Variants in RARB observed in about 807,000 individuals in gnomAD.
RARB encodes HBV-activated protein.
Under a neutral mutation model 51.9 loss-of-function variants are expected in RARB, and 17 were observed. The ratio of observed to expected loss-of-function variants is 0.33; its 90% CI spans 0.22 to 0.49. The LOEUF (loss-of-function observed/expected upper bound fraction) is 0.49. Ranked by LOEUF, RARB falls within the 20% of genes least tolerant of loss-of-function variation. The pLI is 0.99. For synonymous variants in RARB, 215 were observed against 195.4 expected (o/e 1.10, Z -0.84); for missense variants, 369 against 550.8 (o/e 0.67, Z 3.30).
chr3:25,238,964 G>A (rs60540126), intron 5 of RARB, among the ~76,000 whole-genome samples: 5,984 of 150,140 alleles, frequency 0.04, 247 homozygotes, highest in South Asian at 0.21. Context: ...GGGCAGCAGA[G>A]CAAGACTGTG....
intron 3 of RARB, among the ~76,000 whole-genome samples, chr3:25,085,673 C>T (rs1699092141): frequency 6.6e-6 from 1 of 152,136 alleles, no homozygotes; most frequent in South Asian, 2.1e-4. Flanking sequence ...TTGTTCAGTG[C>T]CTGCCCAAAT....
At chr3:25,477,309 G>C (rs572042000) in intron 2 of RARB, among the ~76,000 whole-genome samples, 6 of 152,192 alleles carry the variant, frequency 3.9e-5, no homozygotes, top group Non-Finnish European at 7.3e-5. Flanking sequence ...TGGGCATGGG[G>C]TAGGTGACTC....
chr3:25,200,193 C>T (rs540271864), intron 5 of RARB, among the ~76,000 whole-genome samples: 1 of 152,082 alleles, frequency 6.6e-6, no homozygotes, highest in Non-Finnish European at 1.5e-5. Flanking sequence ...TCTCTGATGG[C>T]CAGTGATGAT....
chr3:25,388,228 T>C (rs115768802), intron 5 of RARB, among the ~76,000 whole-genome samples: 2,407 of 152,316 alleles, frequency 0.016, 68 homozygotes, highest in African/African-American at 0.052. Context: ...AAATTTCTTC[T>C]TAATTAAAAA....
Position 25,334,328 on chromosome 3 carries a change from C to G in RARB, c.179-126865C>G, listed in dbSNP as rs572083532. On this transcript the variant is annotated intron_variant, in intron 5 of 11. Coordinates refer to the RARB transcript ENST00000383772. The stretch of plus-strand genomic sequence containing the variant: ...ATTAAGAAAATGTGGCACATATACA[C>G]CATGGAATACTATGCAGCCATAAAA... Among the ~76,000 whole-genome samples the G allele has an allele frequency of 4.6e-5, 7 of 152,232 alleles. No individual in the cohort carries two copies. In the East Asian group the frequency reaches 1.2e-3, roughly 25 times the overall value.
intron 2 of RARB, among the ~76,000 whole-genome samples, chr3:25,030,090 C>A (rs967822267): frequency 6.6e-6 from 1 of 152,178 alleles, no homozygotes; most frequent in Non-Finnish European, 1.5e-5. Flanking sequence ...TGGAGTCATG[C>A]AGGGTGATCA....
intron 2 of RARB, among the ~76,000 whole-genome samples, chr3:25,490,264 A>G (rs1696665394): frequency 1.3e-5 from 2 of 152,194 alleles, no homozygotes. Context: ...CTTGGAAAAA[A>G]TGCACCAAGC....
intron 3 of RARB, among the ~76,000 whole-genome samples, chr3:25,521,455 A>T (rs1401681605): frequency 6.6e-6 from 1 of 152,196 alleles, no homozygotes; most frequent in Non-Finnish European, 1.5e-5. Flanking sequence ...CTTCTGAGTT[A>T]TTCCTGGTGC....
At chr3:25,393,862 G>C (rs1242580247) in intron 5 of RARB, among the ~76,000 whole-genome samples, 1 of 151,936 alleles carries the variant, frequency 6.6e-6, no homozygotes, top group Non-Finnish European at 1.5e-5. Flanking sequence ...CAAAGAACTA[G>C]CTTTTTGTTT....
intron 2 of RARB, among the ~76,000 whole-genome samples, chr3:25,029,943 A>T (rs1184006820): frequency 6.6e-6 from 1 of 152,214 alleles, no homozygotes; most frequent in Non-Finnish European, 1.5e-5. Flanking sequence ...AGACAGGGCC[A>T]CTGAATTTGG....
At chr3:25,038,678 C>T (rs1698053525) in intron 2 of RARB, among the ~76,000 whole-genome samples, 2 of 152,106 alleles carry the variant, frequency 1.3e-5, no homozygotes, top group Admixed American at 1.3e-4. Flanking sequence ...GATTTCTTTC[C>T]TTGGTTGGCA....
chr3:25,044,826 A>G (rs1044584442), intron 2 of RARB, among the ~76,000 whole-genome samples: 1 of 152,232 alleles, frequency 6.6e-6, no homozygotes, highest in African/African-American at 2.4e-5. Context: ...AACTGACTAT[A>G]GAAGGCCAGT....
chr3:25,594,465 A>AG, intron 6 of RARB, 55 bp from the exon 7 acceptor site: 1 of 1,495,336 alleles, frequency 6.7e-7, no homozygotes. Context: ...AACAAGGAAG[A>AG]GGGGAAAAGG....
intron 2 of RARB, among the ~76,000 whole-genome samples, chr3:24,988,877 G>C (rs1293489717): frequency 6.6e-6 from 1 of 152,084 alleles, no homozygotes; most frequent in Non-Finnish European, 1.5e-5. Context: ...CCAGGCTGGA[G>C]TGCAGTGGCG....
chr3:24,981,881 G>A (rs1696682800), intron 2 of RARB, among the ~76,000 whole-genome samples: 1 of 152,174 alleles, frequency 6.6e-6, no homozygotes, highest in Admixed American at 6.5e-5. Context: ...CTCCCTGGGA[G>A]CTGTAGACCA....
Position 25,330,054 on chromosome 3 carries a change from G to A in RARB, c.179-131139G>A, listed in dbSNP as rs183346204. On this transcript the variant is annotated intron_variant, in intron 5 of 11. Coordinates refer to the RARB transcript ENST00000383772. The stretch of plus-strand genomic sequence containing the variant: ...CTACATCTGATTGGTGTACCTGAAA[G>A]TGACGGGGACAATGGAACCAAGTTG... 1.5e-3 allele frequency among the ~76,000 whole-genome samples: 235 copies of A among 152,310 alleles called. 1 individual carries two copies. The highest frequency in any genetic ancestry group is 5.1e-3 in the African/African-American group (213 of 41,556).
intron 5 of RARB, among the ~76,000 whole-genome samples, chr3:25,200,166 C>T (rs1385830015): frequency 3.3e-5 from 5 of 152,128 alleles, no homozygotes; most frequent in African/African-American, 1.2e-4. Flanking sequence ...TATCTCACTG[C>T]AGTTTTGATT....
intron 5 of RARB, among the ~76,000 whole-genome samples, chr3:25,293,146 G>A (rs943188160): frequency 5.3e-5 from 8 of 152,108 alleles, no homozygotes; most frequent in Middle Eastern, 3.4e-3. Context: ...AGAATTTTTC[G>A]CCGTATACCT....
At chr3:25,068,133 C>CAAAAAA (rs55826425) in intron 3 of RARB, among the ~76,000 whole-genome samples, 12 of 33,266 alleles carry the variant, frequency 3.6e-4, no homozygotes, top group East Asian at 1.4e-3. Flanking sequence ...GACTCCATCT[C>CAAAAAA]AAAAAAAAAA....
Sources: allele counts gnomAD v4.1 joint callset (sites outside exome capture counted in the v4.1 genomes callset), GRCh38; gene constraint gnomAD v4.1.1; transcripts MANE v1.5; gene names NCBI Gene and HGNC (gene_info 2026-07-23, HGNC 2026-07-21).